The following MALRD1 variants were observed in gnomAD, a reference collection of about 807,000 sequenced individuals.
MALRD1 encodes MAM and LDL-receptor class A domain-containing protein 1.
In MALRD1, 247 loss-of-function variants were observed where a neutral mutation model predicts 242.1. That is an observed-to-expected ratio of 1.02 (90% CI 0.92 to 1.13). The LOEUF is 1.13. Ranked by LOEUF, MALRD1 falls within the 50% of genes most tolerant of loss-of-function variation. MALRD1 has a pLI of 0.00. For synonymous variants in MALRD1, 995 were observed against 866.6 expected, an observed-to-expected ratio of 1.15 and a Z score of -2.60; for missense variants, 2,989 against 2,533.1, an observed-to-expected ratio of 1.18 and a Z score of -3.86.
chr10:19,530,441 A>AATAAATAT lies in MALRD1; in HGVS notation c.5321-753_5321-752insATAAATAT, dbSNP rs1554793519. 6.3e-3 allele frequency among the ~76,000 whole-genome samples: 279 copies of AATAAATAT among 44,210 alleles called. 18 individuals carry two copies. In the East Asian group the frequency reaches 0.14, roughly 23 times the overall value. The allele number at this position is 44,210 out of a possible 152,430, so 29.0% of individuals were successfully genotyped here. On this transcript the variant is annotated intron_variant, in intron 31 of 39. Coordinates refer to ENST00000454679, the MANE Select transcript of MALRD1 (RefSeq NM_001142308.3). Reference sequence around the variant, plus strand: ...ATAATAAATATATAATATATATAATATATAATATATAATATATAATAATAA... The same window carrying AATAAATAT: ...ATAATAAATATATAATATATATAATAATAAATATTATAATATATAATATATAATAATAA...
intron 36 of MALRD1, among the ~76,000 whole-genome samples, chr10:19,683,531 G>C (rs1454980629): frequency 2.0e-5 from 3 of 152,194 alleles, no homozygotes; most frequent in African/African-American, 4.8e-5. Flanking sequence ...GAAAGCAGCA[G>C]AGTCTAGCTT....
intron 29 of MALRD1, among the ~76,000 whole-genome samples, chr10:19,466,417 C>G (rs748530794): frequency 1.3e-5 from 2 of 152,036 alleles, no homozygotes; most frequent in Non-Finnish European, 2.9e-5. Flanking sequence ...TCATGTGTTT[C>G]TATATTTTCT....
At chr10:19,715,605 G>T (rs1206240585) in intron 38 of MALRD1, among the ~76,000 whole-genome samples, 1 of 152,144 alleles carries the variant, frequency 6.6e-6, no homozygotes, top group Non-Finnish European at 1.5e-5. Context: ...GTAGAACAAA[G>T]CTACTTGTAT....
At chr10:19,055,293 A>T (rs1316822398) in intron 1 of MALRD1, among the ~76,000 whole-genome samples, 1 of 152,188 alleles carries the variant, frequency 6.6e-6, no homozygotes, top group Non-Finnish European at 1.5e-5. Flanking sequence ...ATATATTCTG[A>T]ATATCAACCA....
At chr10:19,526,176 T>A (rs1044585442) in intron 31 of MALRD1, among the ~76,000 whole-genome samples, 6 of 152,106 alleles carry the variant, frequency 3.9e-5, no homozygotes, top group Admixed American at 1.3e-4. Context: ...ACTGAAAGTT[T>A]ATAAATGTTT....
At chr10:19,507,273 G>A (rs749888210) in intron 31 of MALRD1, among the ~76,000 whole-genome samples, 14 of 152,044 alleles carry the variant, frequency 9.2e-5, no homozygotes, top group Non-Finnish European at 1.8e-4. Context: ...TATCACCATG[G>A]GTTGAAATGG....
chr10:19,337,060 A>T (rs1843644496), intron 24 of MALRD1, among the ~76,000 whole-genome samples: 1 of 152,122 alleles, frequency 6.6e-6, no homozygotes, highest in Non-Finnish European at 1.5e-5. Flanking sequence ...ATTACACAAA[A>T]TATATTGTGT....
chr10:19,081,320 T>G (rs763846858), intron 2 of MALRD1, among the ~76,000 whole-genome samples: 2 of 152,126 alleles, frequency 1.3e-5, no homozygotes, highest in Non-Finnish European at 2.9e-5. Flanking sequence ...CATGCGTATG[T>G]TCATTGGAGC....
chr10:19,171,457 TACAC>T (rs60515694), intron 13 of MALRD1, among the ~76,000 whole-genome samples: 4 of 74,542 alleles, frequency 5.4e-5, no homozygotes, highest in Admixed American at 1.5e-4. Flanking sequence ...TATATATATA[TACAC>T]ACATGTATAT....
intron 36 of MALRD1, among the ~76,000 whole-genome samples, chr10:19,632,122 A>G (rs2131650175): frequency 6.6e-6 from 1 of 152,170 alleles, no homozygotes; most frequent in East Asian, 1.9e-4. Context: ...AGGCTCCAGA[A>G]AACTAGCAGC....
intron 18 of MALRD1, among the ~76,000 whole-genome samples, chr10:19,215,721 A>T (rs1837281847): frequency 8.7e-6 from 1 of 115,598 alleles, no homozygotes; most frequent in Non-Finnish European, 1.9e-5. Flanking sequence ...GCTATAATAA[A>T]TTAGTATAAA....
intron 26 of MALRD1, among the ~76,000 whole-genome samples, chr10:19,378,449 C>G (rs1044787546): frequency 5.3e-5 from 8 of 152,134 alleles, no homozygotes; most frequent in East Asian, 1.9e-4. Context: ...AAGTATTAAT[C>G]TGCACCAGCA....
At chr10:19,231,625 C>A (rs576273362) in intron 18 of MALRD1, among the ~76,000 whole-genome samples, 1 of 152,176 alleles carries the variant, frequency 6.6e-6, no homozygotes, top group Admixed American at 6.5e-5. Flanking sequence ...CACAAGCTTT[C>A]TTCTCTGCTA....
At chr10:19,536,345 C>CT (rs1283974501) in intron 32 of MALRD1, among the ~76,000 whole-genome samples, 2 of 81,688 alleles carry the variant, frequency 2.4e-5, no homozygotes, top group Non-Finnish European at 6.9e-5. Flanking sequence ...AATTTTTTTT[C>CT]TTTTCTTTTT....
chr10:19,163,289 G>T (rs1416491230), intron 12 of MALRD1, among the ~76,000 whole-genome samples: 8 of 152,054 alleles, frequency 5.3e-5, no homozygotes, highest in Non-Finnish European at 8.8e-5. Flanking sequence ...TAAAGAAAGA[G>T]TGGTACATAT....
chr10:19,581,031 T>A (rs1837095499), intron 33 of MALRD1, among the ~76,000 whole-genome samples: 1 of 152,172 alleles, frequency 6.6e-6, no homozygotes, highest in Non-Finnish European at 1.5e-5. Context: ...TCTCTTTCCC[T>A]ATTACAGAGG....
At chr10:19,415,502 C>T (rs760819111) in intron 28 of MALRD1, among the ~76,000 whole-genome samples, 2 of 152,020 alleles carry the variant, frequency 1.3e-5, no homozygotes, top group African/African-American at 2.4e-5. Context: ...AGTTAATTCA[C>T]ATATTTAAAC....
chr10:19,050,083 CTTTTT>C (rs34692209), intron 1 of MALRD1, among the ~76,000 whole-genome samples: 1 of 90,576 alleles, frequency 1.1e-5, no homozygotes, highest in Non-Finnish European at 2.1e-5. Context: ...CATATGTCTT[CTTTTT>C]TTTTTTTTTT....
chr10:19,550,861 C>A (rs565520865), intron 32 of MALRD1, among the ~76,000 whole-genome samples: 1 of 152,050 alleles, frequency 6.6e-6, no homozygotes, highest in East Asian at 1.9e-4. Context: ...CGGTATATAC[C>A]CCATAATGGG....
Sources: gnomAD v4.1 joint callset for allele counts (sites outside exome capture counted in the v4.1 genomes callset) on GRCh38, gnomAD v4.1.1 for gene constraint, MANE v1.5 for transcripts, NCBI Gene and HGNC (gene_info 2026-07-23, HGNC 2026-07-21) for gene names.